Variants in GPRC6A observed in about 807,000 individuals in gnomAD.
The protein encoded by GPRC6A is G protein-coupled receptor class C group 6 member A, also known as G protein-coupled receptor family C group 6 member A.
GPRC6A carries 54 observed loss-of-function variants against 47.0 expected under a neutral mutation model. That is an observed-to-expected ratio of 1.15 (90% CI 0.92 to 1.44). GPRC6A has a LOEUF of 1.44. Among genes scored for constraint, GPRC6A ranks in the 40% most tolerant of loss-of-function variants. The pLI is 0.00. For synonymous variants in GPRC6A, 347 were observed against 377.1 expected (o/e 0.92, Z 0.93); for missense variants, 1,112 against 1,105.5 (o/e 1.01, Z -0.08).
intron 1 of GPRC6A, among the ~76,000 whole-genome samples, chr6:116,818,984 A>G (rs1295654368): frequency 6.6e-6 from 1 of 152,184 alleles, no homozygotes; most frequent in South Asian, 2.1e-4. Flanking sequence ...AGAGACACAC[A>G]TAGGCTCAAA....
At chr6:116,819,905 T>G (rs1773395775) in intron 1 of GPRC6A, among the ~76,000 whole-genome samples, 1 of 148,922 alleles carries the variant, frequency 6.7e-6, no homozygotes, top group Non-Finnish European at 1.5e-5. Flanking sequence ...CTTCAAAAAA[T>G]TAATGAATCC....
intron 1 of GPRC6A, among the ~76,000 whole-genome samples, chr6:116,814,754 T>TA (rs1467164077): frequency 4.0e-5 from 6 of 149,886 alleles, no homozygotes; most frequent in African/African-American, 1.5e-4. Context: ...AAGTATAATT[T>TA]AAAAAAAGAA....
chr6:116,820,024 G>A (rs1204684135), intron 1 of GPRC6A, among the ~76,000 whole-genome samples: 1 of 150,434 alleles, frequency 6.6e-6, no homozygotes, highest in African/African-American at 2.5e-5. Context: ...TGATAAAAGG[G>A]ATATCACCAC....
intron 1 of GPRC6A, among the ~76,000 whole-genome samples, chr6:116,821,187 C>T (rs1773461358): frequency 6.6e-6 from 1 of 151,824 alleles, no homozygotes; most frequent in South Asian, 2.1e-4. Context: ...GAACTACAAA[C>T]CACTGCTCAA....
At chr6:116,823,285 G>T (rs1773566843) in intron 1 of GPRC6A, among the ~76,000 whole-genome samples, 1 of 152,022 alleles carries the variant, frequency 6.6e-6, no homozygotes, top group South Asian at 2.1e-4. Context: ...AATTTCTTCT[G>T]CCAGATACCC....
rs762121161 is a variant in GPRC6A, at chr6:116,806,584, T to G, written c.1121A>C (p.Gln374Pro). ...CAYVKDTDLS[Q>P]CIFNHSQRTL... Reference sequence around the variant, plus strand: ...CCTTTGAGAATGATTGAATATGCATTGACTCAAATCAGTGTCCTTGACATA... The same window carrying G: ...CCTTTGAGAATGATTGAATATGCATGGACTCAAATCAGTGTCCTTGACATA... Residue 374 changes from glutamine (Q) to proline (P), a missense_variant, in exon 3 of 6, where the codon CAA (glutamine) becomes CCA (proline). Transcript: ENST00000310357. 1.2e-5 allele frequency: 19 copies of G among 1,613,558 alleles called. No homozygotes were observed. The highest frequency in any genetic ancestry group is 1.6e-5 in the Non-Finnish European group (19 of 1,179,684).
Position 116,792,400 on chromosome 6 carries a change from T to C in GPRC6A, c.2523A>G (p.Gln841=), listed in dbSNP as rs1464621932. The change falls in exon 6 of 6, where the codon CAA becomes CAG. Residue 841 remains glutamine (Q), a synonymous_variant. Coordinates refer to ENST00000310357, the MANE Select transcript of GPRC6A (RefSeq NM_148963.4). ...GAAAGGCAGACTTTGTGTTAATCTC[T>C]TGCTTACAAATAATAACATAGCATT... ...IPKCYVIICK[Q]EINTKSAFLK... is the part of the protein sequence containing the mutation. 1.2e-6 allele frequency: 2 copies of C among 1,613,602 alleles called. No homozygotes were observed. The highest frequency in any genetic ancestry group is 1.3e-5 in the African/African-American group (1 of 75,022).
At position 116,795,791 on chromosome 6, in the gene GPRC6A, C is replaced by T; in HGVS notation, c.1593G>A (p.Met531Ile). 1 of 1,609,082 alleles carries T rather than the reference C, an allele frequency of 6.2e-7. No individual in the cohort carries two copies. The highest frequency in any genetic ancestry group is 8.5e-7 in the Non-Finnish European group (1 of 1,176,156). Residue 531 changes from methionine (M) to isoleucine (I), a missense_variant, in exon 5 of 6, where the codon ATG becomes ATA. By Grantham distance (10) the Met-to-Ile change is conservative (BLOSUM62 1). Coordinates refer to ENST00000310357, the MANE Select transcript of GPRC6A (RefSeq NM_148963.4). Reference protein sequence around the residue: ...KCSKECSPGQMKKTTRSQHIC... With the variant: ...KCSKECSPGQIKKTTRSQHIC... ...TGTGTTGACTTCTTGTAGTTTTCTT[C>T]ATTTGCCCAGGACTGCATTCCTTGG...
intron 1 of GPRC6A, among the ~76,000 whole-genome samples, chr6:116,810,466 T>G (rs1772986783): frequency 6.6e-6 from 1 of 152,082 alleles, no homozygotes; most frequent in South Asian, 2.1e-4. Context: ...ATAGCCAGAT[T>G]AAATTTTTTG....
rs1380742894 is a variant in GPRC6A, at chr6:116,809,436, T to C, written c.376A>G (p.Thr126Ala). The C allele has an allele frequency of 1.9e-6, 3 of 1,613,650 alleles. No homozygotes were observed. In the South Asian group the frequency reaches 3.3e-5, roughly 18 times the overall value. The part of the protein sequence containing the change: ...FLSKFNCSRE[T>A]VEFKCDYSSY... Reference sequence around the variant, plus strand: ...GAATAGTCACACTTAAACTCCACAGTTTCTCTGGAGCAGTTGAATTTAGAA... The same window carrying C: ...GAATAGTCACACTTAAACTCCACAGCTTCTCTGGAGCAGTTGAATTTAGAA... The change falls in exon 2 of 6, where the codon ACT (threonine) becomes GCT (alanine). Residue 126 changes from threonine to alanine, a missense_variant. Physicochemically the swap from Thr to Ala is moderately conservative, Grantham distance 58. Coordinates refer to ENST00000310357, the MANE Select transcript of GPRC6A (RefSeq NM_148963.4).
Position 116,816,596 on chromosome 6 carries a change from G to C in GPRC6A, c.195-6979C>G, listed in dbSNP as rs371531359. Among the ~76,000 whole-genome samples the C allele has an allele frequency of 2.0e-5, 3 of 152,252 alleles. No homozygotes were observed. The East Asian group carries it at 5.8e-4, about 29-fold the overall frequency. On this transcript the variant is annotated intron_variant, in intron 1 of 5. Transcript: ENST00000310357. ...TCCCAGCATGAGCGACGCAGAAGAC[G>C]GGTGATTTCTGCATTTCCATCTGAG...
At chr6:116,805,677 C>G (rs1376550267) in intron 3 of GPRC6A, among the ~76,000 whole-genome samples, 1 of 152,034 alleles carries the variant, frequency 6.6e-6, no homozygotes, top group Non-Finnish European at 1.5e-5. Context: ...TTTCCCCAAA[C>G]TAATCAAAGA....
At position 116,809,594 on chromosome 6, in the gene GPRC6A, T is replaced by C; in HGVS notation, c.218A>G (p.Gln73Arg). 1 of 1,608,554 alleles carries C rather than the reference T, an allele frequency of 6.2e-7. No homozygotes were observed. The highest frequency in any genetic ancestry group is 8.5e-7 in the Non-Finnish European group (1 of 1,175,948). The change falls in exon 2 of 6, where the codon CAA (glutamine) becomes CGA (arginine). Residue 73 changes from glutamine (Q) to arginine (R), a missense_variant. Physicochemically the swap from Gln to Arg is conservative, Grantham distance 43. Transcript: ENST00000310357. ...CVGFEISVFL[Q>R]TLAMIHSIEM... The stretch of plus-strand genomic sequence containing the variant: ...AATGCTGTGTATCATGGCAAGAGTT[T>C]GAAGAAAAACTGATATTTCAAAGCT...
rs150335172 is a variant in GPRC6A, at chr6:116,792,554, A to G, written c.2369T>C (p.Ile790Thr). ...EAKFITFGML[I>T]YFIAWITFIP... ...GAATGTGATCCAAGCTATGAAGTAAATGAGCATGCCAAATGTAATGAATTT... is the reference window on the plus strand; with the variant it reads ...GAATGTGATCCAAGCTATGAAGTAAGTGAGCATGCCAAATGTAATGAATTT... The change falls in exon 6 of 6, where the codon ATT becomes ACT. Residue 790 changes from isoleucine to threonine, a missense_variant. Coordinates refer to ENST00000310357, the MANE Select transcript of GPRC6A (RefSeq NM_148963.4). 7.4e-6 allele frequency: 12 copies of G among 1,612,920 alleles called. No homozygotes were observed. Among genetic ancestry groups the G allele is most frequent in the Middle Eastern group, 1.7e-4 (1 of 6,042 alleles).
chr6:116,827,488 A>T (rs1180559066), intron 1 of GPRC6A, among the ~76,000 whole-genome samples: 2 of 152,038 alleles, frequency 1.3e-5, no homozygotes, highest in Non-Finnish European at 2.9e-5. Context: ...GCCAGTGCCT[A>T]TAATAGGGTA....
chr6:116,812,276 TC>T (rs568468314), intron 1 of GPRC6A, among the ~76,000 whole-genome samples: 138 of 152,236 alleles, frequency 9.1e-4, no homozygotes, highest in Non-Finnish European at 1.8e-3. Context: ...AGAAAACTTA[TC>T]CTTCATAAAT....
chr6:116,822,512 C>A (rs1773526405), intron 1 of GPRC6A, among the ~76,000 whole-genome samples: 3 of 125,158 alleles, frequency 2.4e-5, no homozygotes, highest in African/African-American at 3.2e-5. Context: ...ACATATACAC[C>A]ATGGAATACT....
At chr6:116,818,626 G>T (rs548787297) in intron 1 of GPRC6A, among the ~76,000 whole-genome samples, 1 of 122,274 alleles carries the variant, frequency 8.2e-6, no homozygotes, top group African/African-American at 3.0e-5. Flanking sequence ...AAGCAAAGGA[G>T]AAATAAAATA....
chr6:116,815,520 C>A (rs1229832010), intron 1 of GPRC6A, among the ~76,000 whole-genome samples: 2 of 152,192 alleles, frequency 1.3e-5, no homozygotes, highest in East Asian at 3.9e-4. Context: ...ACCAAGTGGA[C>A]CCAACAGACA....
Sources: allele counts gnomAD v4.1 joint callset (sites outside exome capture counted in the v4.1 genomes callset), GRCh38; gene constraint gnomAD v4.1.1; transcripts MANE v1.5; gene names NCBI Gene and HGNC (gene_info 2026-07-23, HGNC 2026-07-21).